Variants in EXOC6 observed in about 807,000 individuals in gnomAD.
EXOC6 encodes exocyst complex component 6.
EXOC6 carries 60 observed loss-of-function variants against 112.5 expected under a neutral mutation model. The observed-to-expected ratio is 0.53, with a 90% CI of 0.43 to 0.66. The LOEUF is 0.66. Ranked by LOEUF, EXOC6 falls within the 30% of genes least tolerant of loss-of-function variation. The pLI is 0.00. For synonymous variants in EXOC6, 295 were observed against 308.0 expected, an observed-to-expected ratio of 0.96 and a Z score of 0.44; for missense variants, 855 against 957.1, an observed-to-expected ratio of 0.89 and a Z score of 1.41.
chr10:92,989,022 G>C (rs957029756), intron 18 of EXOC6, among the ~76,000 whole-genome samples: 1 of 152,102 alleles, frequency 6.6e-6, no homozygotes, highest in African/African-American at 2.4e-5. Context: ...ACTGCATGTG[G>C]ATACTTTGTC....
At chr10:93,001,833 T>C (rs547221227) in intron 19 of EXOC6, among the ~76,000 whole-genome samples, 1 of 152,318 alleles carries the variant, frequency 6.6e-6, no homozygotes, top group Non-Finnish European at 1.5e-5. Flanking sequence ...TCTCTAAATC[T>C]TCTGAAGGCC....
upstream of EXOC6, among the ~76,000 whole-genome samples, chr10:92,847,121 A>G (rs1847079738): frequency 6.6e-6 from 1 of 152,248 alleles, no homozygotes; most frequent in African/African-American, 2.4e-5. Context: ...TAGCCCAGTG[A>G]GACCTGTGAC....
At chr10:92,975,171 G>A (rs1226682772) in intron 18 of EXOC6, among the ~76,000 whole-genome samples, 2 of 151,758 alleles carry the variant, frequency 1.3e-5, no homozygotes, top group African/African-American at 4.8e-5. Context: ...GAGCGTCTCT[G>A]CCTGGCCGCC....
At chr10:92,907,638 T>C (rs1377217133) in intron 5 of EXOC6, among the ~76,000 whole-genome samples, 1 of 152,230 alleles carries the variant, frequency 6.6e-6, no homozygotes, top group Non-Finnish European at 1.5e-5. Flanking sequence ...ACCATACCTG[T>C]TGTAGAGAGA....
intron 8 of EXOC6, among the ~76,000 whole-genome samples, chr10:92,925,785 G>C (rs568002200): frequency 6.6e-6 from 1 of 151,990 alleles, no homozygotes; most frequent in East Asian, 1.9e-4. Context: ...TCAGCCTCCT[G>C]AGTAGCTGGG....
chr10:92,898,300 C>T (rs1849940894), intron 4 of EXOC6, among the ~76,000 whole-genome samples: 1 of 151,240 alleles, frequency 6.6e-6, no homozygotes, highest in Non-Finnish European at 1.5e-5. Context: ...GCTGTGGTGG[C>T]GTACCTGTGG....
chr10:92,861,122 A>T (rs900372606), intron 1 of EXOC6, among the ~76,000 whole-genome samples: 1 of 152,204 alleles, frequency 6.6e-6, no homozygotes, highest in Non-Finnish European at 1.5e-5. Context: ...CATTGTTTTC[A>T]AGAGCACCCT....
At chr10:92,946,853 C>T (rs1853047762) in intron 13 of EXOC6, among the ~76,000 whole-genome samples, 2 of 152,212 alleles carry the variant, frequency 1.3e-5, no homozygotes, top group Non-Finnish European at 2.9e-5. Flanking sequence ...ACTTCTCTGT[C>T]TAACTTTCCA....
upstream of EXOC6, among the ~76,000 whole-genome samples, chr10:92,847,874 G>C (rs1296544584): frequency 3.2e-5 from 4 of 125,372 alleles, no homozygotes; most frequent in African/African-American, 1.1e-4. Context: ...CTGCCATCAA[G>C]TGTCTTAACT....
chr10:92,990,167 A>G (rs1280912675), intron 18 of EXOC6, among the ~76,000 whole-genome samples: 1 of 152,120 alleles, frequency 6.6e-6, no homozygotes, highest in African/African-American at 2.4e-5. Context: ...AAAACAGTTG[A>G]TTTTCACTAC....
rs931135170 is a variant in EXOC6 at position 93,043,464 on chromosome 10, A to G, written c.2170-13460A>G. Among the ~76,000 whole-genome samples, 4 of 152,284 alleles carry G rather than the reference A, an allele frequency of 2.6e-5. No homozygotes were observed. The East Asian group carries it at 5.8e-4, about 22-fold the overall frequency. On this transcript the variant is annotated intron_variant, in intron 20 of 21. Transcript: ENST00000260762. ...TCTCTTCTTTGTTCTCCTCTTAATT[A>G]TCATCAACAAACTTTACCTCAACTG...
chr10:93,006,813 G>A (rs1844004797), intron 19 of EXOC6, among the ~76,000 whole-genome samples: 1 of 152,074 alleles, frequency 6.6e-6, no homozygotes, highest in South Asian at 2.1e-4. Flanking sequence ...AATGAATATT[G>A]GCATTCATAT....
At chr10:92,989,472 G>A (rs146413904) in intron 18 of EXOC6, among the ~76,000 whole-genome samples, 102 of 152,278 alleles carry the variant, frequency 6.7e-4, no homozygotes, top group African/African-American at 2.2e-3. Context: ...GCACACCTCA[G>A]TGAAGGAAAA....
At chr10:92,827,998 C>T (rs2497323) in intron 1 of EXOC6, among the ~76,000 whole-genome samples, 32,341 of 152,080 alleles carry the variant, frequency 0.21, 4,674 homozygotes, top group Non-Finnish European at 0.31. Flanking sequence ...AGATATTTGA[C>T]GTATTTTGCT....
chr10:93,031,820 A>G (rs1039079610), intron 20 of EXOC6, among the ~76,000 whole-genome samples: 3 of 151,994 alleles, frequency 2.0e-5, no homozygotes, highest in Admixed American at 6.6e-5. Flanking sequence ...CCCCCATGCC[A>G]TTTTTAAAAG....
chr10:92,998,628 C>CCACACACACA lies in EXOC6; in HGVS notation c.2095+1041_2095+1050dup, dbSNP rs55823754. Reference sequence around the variant, plus strand: ...GACAAGATCAATTGTCTGTTGCACACCACACACACACACACACACACACAC... The same window carrying CCACACACACA: ...GACAAGATCAATTGTCTGTTGCACACCACACACACACACACACACACACACACACACACAC... On this transcript the variant is annotated intron_variant, in intron 19 of 21. Transcript: ENST00000260762. 3.8e-3 allele frequency among the ~76,000 whole-genome samples: 534 copies of CCACACACACA among 141,434 alleles called. 4 individuals carry two copies. Among genetic ancestry groups the CCACACACACA allele is most frequent in the African/African-American group, 0.012 (457 of 38,694 alleles). The allele number at this position is 141,434 out of a possible 152,430, so 92.8% of individuals were successfully genotyped here.
At chr10:92,949,455 A>G (rs974879599) in intron 14 of EXOC6, among the ~76,000 whole-genome samples, 3 of 151,964 alleles carry the variant, frequency 2.0e-5, no homozygotes, top group South Asian at 4.1e-4. Context: ...TGTTCTGTCA[A>G]GAAATATCAC....
intron 1 of EXOC6, among the ~76,000 whole-genome samples, chr10:92,868,267 T>C (rs866296565): frequency 2.9e-4 from 44 of 152,242 alleles, no homozygotes; most frequent in African/African-American, 1.0e-3. Context: ...AGTGGCTCTT[T>C]ATCTTTTTTC....
intron 1 of EXOC6, among the ~76,000 whole-genome samples, chr10:92,891,238 T>C (rs1684076620): frequency 6.6e-6 from 1 of 152,094 alleles, no homozygotes; most frequent in South Asian, 2.1e-4. Flanking sequence ...AGACATCTAA[T>C]TGGAGAGATA....
Sources: gnomAD v4.1 joint callset for allele counts (sites outside exome capture counted in the v4.1 genomes callset) on GRCh38, gnomAD v4.1.1 for gene constraint, MANE v1.5 for transcripts, NCBI Gene and HGNC (gene_info 2026-07-23, HGNC 2026-07-21) for gene names.